The following SVIL variants were observed in gnomAD, a reference collection of about 807,000 sequenced individuals.
The protein encoded by SVIL is archvillin.
A neutral mutation model predicts 240.4 loss-of-function variants in SVIL; 101 were observed. That is an observed-to-expected ratio of 0.42 (90% CI 0.36 to 0.50). SVIL has a LOEUF of 0.50. Ranked by LOEUF, SVIL falls within the 20% of genes least tolerant of loss-of-function variation. The probability of loss-of-function intolerance (pLI) is 0.01; values close to 1 mark genes in which losing one functional copy is unlikely to be tolerated. For missense variants in SVIL, 2,512 were observed against 2,818.7 expected, an observed-to-expected ratio of 0.89 and a Z score of 2.46; for synonymous variants, 999 against 1,100.0, an observed-to-expected ratio of 0.91 and a Z score of 1.82.
chr10:29,661,689 A>C (rs1049512995), intron 2 of SVIL, among the ~76,000 whole-genome samples: 20 of 152,256 alleles, frequency 1.3e-4, no homozygotes, highest in African/African-American at 4.6e-4. Context: ...GAGATATGCC[A>C]GACAAAGGCA....
intron 1 of SVIL, among the ~76,000 whole-genome samples, chr10:29,626,866 T>C (rs888024469): frequency 5.3e-5 from 8 of 151,716 alleles, no homozygotes; most frequent in Non-Finnish European, 7.4e-5. Flanking sequence ...CTACTAAAAA[T>C]ACAAAAAGTT....
chr10:29,498,761 A>G (rs1479739284), intron 18 of SVIL, among the ~76,000 whole-genome samples: 2 of 152,074 alleles, frequency 1.3e-5, no homozygotes, highest in East Asian at 3.9e-4. Flanking sequence ...TGGGAGGATT[A>G]CTTAAGCCCA....
Position 29,457,561 on chromosome 10 carries a change from A to G in SVIL, c.*686T>C, listed in dbSNP as rs946605344. The G allele has an allele frequency of 6.6e-6, 1 of 152,660 alleles. No individual in the cohort carries two copies. Among genetic ancestry groups the G allele is most frequent in the Admixed American group, 6.5e-5 (1 of 15,282 alleles). 9.5% of individuals were successfully genotyped at this position (152,660 alleles called of 1,614,324 possible). ...TGTACATAAAAACAAGGCACTATAC[A>G]TTTTTGGGGAGATATTAAGGTAGAA... On this transcript the variant is annotated 3_prime_UTR_variant, in exon 38 of 38. Transcript: ENST00000355867.
At chr10:29,496,376 G>T (rs540086924) in intron 18 of SVIL, 17 of 455,538 alleles carry the variant, frequency 3.7e-5, no homozygotes, top group African/African-American at 3.2e-4. Flanking sequence ...TCACAGGGTG[G>T]GGAGGGAAAT....
At position 29,573,843 on chromosome 10, in the gene SVIL, G is replaced by A. The variant is rs1420432563; in HGVS notation, c.-200-4531C>T. Among the ~76,000 whole-genome samples, 8 of 151,922 alleles carry A rather than the reference G, an allele frequency of 5.3e-5. No individual in the cohort carries two copies. In the South Asian group the frequency reaches 8.3e-4, roughly 16 times the overall value. ...CCTGAGTAGCTGGGATTACAGGCGC[G>A]CGCCACCATGCCCAACTAATTTTTG... On this transcript the variant is annotated intron_variant, in intron 1 of 37. Transcript: ENST00000355867.
intron 1 of SVIL, among the ~76,000 whole-genome samples, chr10:29,573,437 T>C (rs1054055885): frequency 1.8e-4 from 28 of 152,154 alleles, no homozygotes; most frequent in African/African-American, 5.1e-4. Flanking sequence ...ATCCTATCCA[T>C]AGGAAACCAA....
intron 1 of SVIL, among the ~76,000 whole-genome samples, chr10:29,608,503 G>A (rs2505906): frequency 0.13 from 19,154 of 152,292 alleles, 1,377 homozygotes; most frequent in Middle Eastern, 0.2. Flanking sequence ...CTGCCCAGCC[G>A]TGGACCTGGG....
intron 6 of SVIL, among the ~76,000 whole-genome samples, chr10:29,545,547 G>T (rs188214156): frequency 1.3e-5 from 2 of 152,106 alleles, no homozygotes; most frequent in Non-Finnish European, 2.9e-5. Flanking sequence ...TTTCTAGAGT[G>T]GATCACCACT....
chr10:29,607,197 C>T (rs745703396), intron 1 of SVIL, among the ~76,000 whole-genome samples: 8 of 152,170 alleles, frequency 5.3e-5, no homozygotes, highest in Non-Finnish European at 1.0e-4. Context: ...TTAAATGACA[C>T]GTTTCAAAAT....
At chr10:29,501,748 C>T (rs866524075) in intron 17 of SVIL, among the ~76,000 whole-genome samples, 9 of 152,238 alleles carry the variant, frequency 5.9e-5, no homozygotes, top group Non-Finnish European at 7.4e-5. Context: ...AAAGAGAATA[C>T]GTTTTCTTTG....
chr10:29,505,505 G>A (rs1360654414), intron 17 of SVIL, among the ~76,000 whole-genome samples: 3 of 152,012 alleles, frequency 2.0e-5, no homozygotes, highest in East Asian at 3.9e-4. Context: ...AAAAATGACC[G>A]GTTGCCAAGG....
intron 3 of SVIL, chr10:29,643,984 A>G (rs777639565): frequency 5.8e-6 from 3 of 518,502 alleles, no homozygotes. Context: ...CTGGAGCAAC[A>G]TCGCGTTCCT....
intron 26 of SVIL, 40 bp downstream of exon 26, chr10:29,486,045 A>G (rs748884063): frequency 8.2e-6 from 13 of 1,578,136 alleles, no homozygotes; most frequent in Admixed American, 6.7e-5. Context: ...AGTGCTTTCA[A>G]TGTGGTTTCT....
chr10:29,625,800 T>C (rs562352608), intron 1 of SVIL, among the ~76,000 whole-genome samples: 1 of 152,286 alleles, frequency 6.6e-6, no homozygotes, highest in Admixed American at 6.5e-5. Context: ...GCTTTATCAG[T>C]ATGAATTCTA....
At chr10:29,677,644 C>A (rs1960299422) in intron 2 of SVIL, among the ~76,000 whole-genome samples, 1 of 152,108 alleles carries the variant, frequency 6.6e-6, no homozygotes. Flanking sequence ...CTTCTCTCAA[C>A]CCCTGGGTTC....
chr10:29,665,434 A>C (rs1443469368), intron 2 of SVIL, among the ~76,000 whole-genome samples: 1 of 152,008 alleles, frequency 6.6e-6, no homozygotes, highest in Non-Finnish European at 1.5e-5. Flanking sequence ...GCACATTTTC[A>C]TGAAAATAAA....
intron 18 of SVIL, among the ~76,000 whole-genome samples, chr10:29,498,809 C>T (rs1423159060): frequency 6.6e-6 from 1 of 152,032 alleles, no homozygotes; most frequent in African/African-American, 2.4e-5. Flanking sequence ...AGCGACACCC[C>T]ATTTCTACAT....
intron 29 of SVIL, among the ~76,000 whole-genome samples, chr10:29,478,784 T>G (rs1284474203): frequency 6.6e-6 from 1 of 150,570 alleles, no homozygotes; most frequent in Non-Finnish European, 1.5e-5. Context: ...ATTAGCTTGA[T>G]AATGGTGGCA....
At chr10:29,728,238 T>C (rs1287866517) in intron 1 of SVIL, among the ~76,000 whole-genome samples, 1 of 152,212 alleles carries the variant, frequency 6.6e-6, no homozygotes, top group African/African-American at 2.4e-5. Context: ...TTCTGCTGTG[T>C]GTATGTACAA....
Sources: gnomAD v4.1 joint callset for allele counts (sites outside exome capture counted in the v4.1 genomes callset) on GRCh38, gnomAD v4.1.1 for gene constraint, MANE v1.5 for transcripts, NCBI Gene and HGNC (gene_info 2026-07-23, HGNC 2026-07-21) for gene names.